The following BICRAL variants were observed in gnomAD, a reference collection of about 807,000 sequenced individuals.
BICRAL encodes the protein BICRA like chromatin remodeling complex associated protein, also known as BRD4-interacting chromatin-remodeling complex-associated protein-like.
In BICRAL, 8 loss-of-function variants were observed where a neutral mutation model predicts 91.8. The ratio of observed to expected loss-of-function variants is 0.09; its 90% CI spans 0.05 to 0.16. The LOEUF (loss-of-function observed/expected upper bound fraction) is 0.16. BICRAL is among the 10% of genes least tolerant of loss of function. The pLI is 1.00. For missense variants in BICRAL, 1,038 were observed against 1,310.9 expected (o/e 0.79, Z 3.21); for synonymous variants, 445 against 491.1 (o/e 0.91, Z 1.24).
chr6:42,782,377 G>A (rs866755239), intron 1 of BICRAL, among the ~76,000 whole-genome samples: 166 of 147,244 alleles, frequency 1.1e-3, no homozygotes, highest in Non-Finnish European at 2.3e-3. Flanking sequence ...GGTGATGGTG[G>A]TGGTGGGTGG....
chr6:42,801,566 T>G (rs1763572237), intron 1 of BICRAL, among the ~76,000 whole-genome samples: 1 of 152,136 alleles, frequency 6.6e-6, no homozygotes, highest in Admixed American at 6.6e-5. Context: ...GGTAGTAGTA[T>G]TGCTTTTATT....
At chr6:42,862,664 AC>A in intron 12 of BICRAL, 52 bp downstream of exon 12, 1 of 1,065,836 alleles carries the variant, frequency 9.4e-7, no homozygotes, top group Non-Finnish European at 1.5e-6. Flanking sequence ...TGGTTCAGGG[AC>A]CATGGGGCCT....
chr6:42,758,559 AAG>A (rs1397953201), intron 1 of BICRAL, among the ~76,000 whole-genome samples: 1 of 152,208 alleles, frequency 6.6e-6, no homozygotes, highest in Non-Finnish European at 1.5e-5. Context: ...GAAGCTAAGT[AAG>A]AGATACAGAT....
At chr6:42,863,856 C>T (rs1027016610) in intron 12 of BICRAL, among the ~76,000 whole-genome samples, 19 of 151,940 alleles carry the variant, frequency 1.3e-4, no homozygotes, top group African/African-American at 4.8e-5. Flanking sequence ...GGTGAAACCC[C>T]GTCTTTACTA....
chr6:42,784,895 C>T (rs1763056987), intron 1 of BICRAL, among the ~76,000 whole-genome samples: 1 of 152,148 alleles, frequency 6.6e-6, no homozygotes, highest in Admixed American at 6.6e-5. Flanking sequence ...CCGCTATATC[C>T]AAAGATCTAG....
Position 42,864,931 on chromosome 6 carries a change from G to A in BICRAL, c.2725G>A (p.Val909Met), listed in dbSNP as rs1460448088. ...TGGCAGAGCACTGAAATTTGACAAA[G>A]TGGGCTTAGTGCAGTACCAGAGCAC... ...CLGRALKFDK[V>M]GLVQYQSTSE... The change falls in exon 13 of 13, where the codon GTG becomes ATG. Residue 909 changes from valine (V) to methionine (M), a missense_variant. Physicochemically the swap from Val to Met is conservative, Grantham distance 21 (BLOSUM62 1). Around this residue, in one of 5 missense-constraint regions of BICRAL, gnomAD observed 294 missense variants for 292.6 expected, o/e 1.00. Transcript: ENST00000314073. 5 of 1,614,096 alleles carry A rather than the reference G, an allele frequency of 3.1e-6. No homozygotes were observed. The highest frequency in any genetic ancestry group is 1.7e-5 in the Admixed American group (1 of 60,004).
At chr6:42,750,909 AATAC>A (rs1762370063) in intron 1 of BICRAL, among the ~76,000 whole-genome samples, 1 of 53,186 alleles carries the variant, frequency 1.9e-5, no homozygotes, top group Non-Finnish European at 3.4e-5. Context: ...TTTTTTTTTT[AATAC>A]TTTAAGTTCT....
intron 1 of BICRAL, among the ~76,000 whole-genome samples, chr6:42,761,097 C>G (rs970745366): frequency 3.9e-5 from 6 of 152,206 alleles, no homozygotes; most frequent in African/African-American, 1.2e-4. Flanking sequence ...CACCTGTTCT[C>G]TCACGTCTCT....
chr6:42,865,859 A>G lies in BICRAL; in HGVS notation c.*413A>G, dbSNP rs955391905. ...GACTTACTAAAATCAAACGAGACGG[A>G]TAGAAGCTACTTTTTAAAGAATATC... is the stretch of plus-strand genomic sequence containing the variant. On this transcript the variant is annotated 3_prime_UTR_variant, in exon 13 of 13. Transcript: ENST00000314073. 6.4e-6 allele frequency: 1 copy of G among 156,240 alleles called. No individual in the cohort carries two copies. Among genetic ancestry groups the G allele is most frequent in the Admixed American group, 6.5e-5 (1 of 15,484 alleles). The allele number at this position is 156,240 out of a possible 1,614,324, so 9.7% of individuals were successfully genotyped here.
intron 8 of BICRAL, 63 bp downstream of exon 8, chr6:42,853,801 T>C (rs992227125): frequency 4.2e-5 from 51 of 1,221,388 alleles, no homozygotes; most frequent in Admixed American, 1.2e-4. Flanking sequence ...AATGTAGTCG[T>C]GCTATCTTTG....
At chr6:42,748,359 G>A (rs539278791) in intron 1 of BICRAL, among the ~76,000 whole-genome samples, 5 of 152,200 alleles carry the variant, frequency 3.3e-5, no homozygotes, top group Non-Finnish European at 7.3e-5. Context: ...TGTAGCTAAA[G>A]AAGGTTTATT....
chr6:42,809,020 G>GC (rs777119866), intron 1 of BICRAL, among the ~76,000 whole-genome samples: 114 of 151,746 alleles, frequency 7.5e-4, no homozygotes, highest in Non-Finnish European at 1.2e-3. Context: ...TTTTTTGCCA[G>GC]CTGGATTGCT....
intron 1 of BICRAL, among the ~76,000 whole-genome samples, chr6:42,768,980 T>G (rs974009599): frequency 1.3e-5 from 2 of 152,228 alleles, no homozygotes; most frequent in Non-Finnish European, 2.9e-5. Context: ...CTCTAATATA[T>G]TTTAAACGTT....
chr6:42,857,600 TAAAAAA>T (rs748078737), intron 10 of BICRAL, among the ~76,000 whole-genome samples: 3,756 of 101,218 alleles, frequency 0.037, 131 homozygotes, highest in East Asian at 0.084. Flanking sequence ...CACTGTCTCT[TAAAAAA>T]AAAAAAAAAT....
At chr6:42,831,880 A>T (rs1027548720) in intron 6 of BICRAL, among the ~76,000 whole-genome samples, 3 of 151,860 alleles carry the variant, frequency 2.0e-5, no homozygotes, top group African/African-American at 7.3e-5. Context: ...CCGGGAACAC[A>T]GGTGCAAGCC....
Position 42,829,882 on chromosome 6 carries a change from A to G in BICRAL, c.1549A>G (p.Ser517Gly). The change falls in exon 6 of 13, where the codon AGC becomes GGC. Residue 517 changes from serine (S) to glycine (G), a missense_variant. This residue lies in a region of BICRAL where 532 missense variants were observed against 724.9 expected (regional missense o/e 0.73). Coordinates refer to ENST00000314073, the MANE Select transcript of BICRAL (RefSeq NM_001393499.1). ...ATTACACCTGTCACCTGGGCAGAGC[A>G]GCGTTTCCCAAGGAAGACCTGGCTT... ...TVLHLSPGQS[S>G]VSQGRPGFAT... is the part of the protein sequence containing the mutation. 5.0e-6 allele frequency: 8 copies of G among 1,614,204 alleles called. No individual in the cohort carries two copies. The highest frequency in any genetic ancestry group is 6.8e-6 in the Non-Finnish European group (8 of 1,180,040).
At chr6:42,830,248 T>C (rs562415367) in intron 6 of BICRAL, 76 bp downstream of exon 6, 2 of 1,457,662 alleles carry the variant, frequency 1.4e-6, no homozygotes, top group African/African-American at 2.8e-5. Context: ...TAGAATATAA[T>C]TTTCATCCTA....
intron 1 of BICRAL, among the ~76,000 whole-genome samples, chr6:42,759,343 C>T (rs1762508509): frequency 6.6e-6 from 1 of 152,188 alleles, no homozygotes; most frequent in Non-Finnish European, 1.5e-5. Context: ...TTTTTTCCCC[C>T]TTTAACAAAG....
At chr6:42,768,261 C>T (rs950002902) in intron 1 of BICRAL, among the ~76,000 whole-genome samples, 3 of 152,166 alleles carry the variant, frequency 2.0e-5, no homozygotes, top group Admixed American at 6.5e-5. Context: ...GGTCAGCTGG[C>T]CGGAACACTA....
Sources: allele counts gnomAD v4.1 joint callset (sites outside exome capture counted in the v4.1 genomes callset), GRCh38; gene constraint gnomAD v4.1.1; regional missense constraint gnomAD v4.1.1; transcripts MANE v1.5; gene names NCBI Gene and HGNC (gene_info 2026-07-23, HGNC 2026-07-21).